GARNL3: variants seen among roughly 807,000 people sequenced by gnomAD.
GARNL3 encodes the protein GTPase-activating Rap/Ran-GAP domain-like protein 3.
In GARNL3, 63 loss-of-function variants were observed where a neutral mutation model predicts 125.0. That is an observed-to-expected ratio of 0.50 (90% confidence interval 0.41 to 0.62). GARNL3 has a LOEUF of 0.62. Ranked by LOEUF, GARNL3 falls within the 20% of genes least tolerant of loss-of-function variation. The pLI is 0.00. For synonymous variants in GARNL3, 439 were observed against 457.5 expected (o/e 0.96, Z 0.52); for missense variants, 994 against 1,244.0 (o/e 0.80, Z 3.02).
chr9:127,380,831 A>G (rs2131806778), intron 22 of GARNL3, among the ~76,000 whole-genome samples: 1 of 152,350 alleles, frequency 6.6e-6, no homozygotes, highest in African/African-American at 2.4e-5. Context: ...AAATTAGATC[A>G]TGATGATGTT....
rs763930677 is a variant in GARNL3, at chr9:127,393,051, A to G, written c.2871-32A>G. Reference sequence around the variant, plus strand: ...TAGGCCCAGTTCTGTGGTACTCCCAAAGATCCTCTTACAGTGACTTTTCTC... The same window carrying G: ...TAGGCCCAGTTCTGTGGTACTCCCAGAGATCCTCTTACAGTGACTTTTCTC... On this transcript the variant is annotated intron_variant, in intron 27 of 27. Transcript: ENST00000373387. 5.8e-6 allele frequency: 9 copies of G among 1,555,510 alleles called. No homozygotes were observed. The South Asian group carries it at 7.9e-5, about 14-fold the overall frequency.
In GARNL3 at chr9:127,272,341, CT is replaced by C. The variant is rs1442576937; in HGVS notation, c.144+7321del. 1.3e-5 allele frequency among the ~76,000 whole-genome samples: 2 copies of C among 149,848 alleles called. 1 individual carries two copies. Among genetic ancestry groups the C allele is most frequent in the African/African-American group, 5.1e-5 (2 of 39,288 alleles). On this transcript the variant is annotated intron_variant, in intron 1 of 27. Transcript: ENST00000373387. ...TTATATTCTATCTAGTATTACCAAA[CT>C]GAGAGATTAGTGAGGGTACCAGCAT...
chr9:127,335,112 T>C, intron 9 of GARNL3, 118 bp from the exon 10 acceptor site: 1 of 710,520 alleles, frequency 1.4e-6, no homozygotes, highest in Non-Finnish European at 2.4e-6. Flanking sequence ...TGCAGGTGGA[T>C]AATCCAAATA....
chr9:127,388,633 C>T, intron 25 of GARNL3: 1 of 477,954 alleles, frequency 2.1e-6, no homozygotes, highest in South Asian at 2.2e-5. Flanking sequence ...CCAAGCAGGG[C>T]AGCTTTTTGC....
Position 127,320,708 on chromosome 9 carries a change from A to G in GARNL3, c.504-7A>G. 1 of 1,608,184 alleles carries G rather than the reference A, an allele frequency of 6.2e-7. No homozygotes were observed. The highest frequency in any genetic ancestry group is 8.5e-7 in the Non-Finnish European group (1 of 1,174,772). ...TGCTGCAGCTCATCCTGTCCATTCTATTTCAGTGCCATGAATCTGGACAAA... is the reference window on the plus strand; with the variant it reads ...TGCTGCAGCTCATCCTGTCCATTCTGTTTCAGTGCCATGAATCTGGACAAA... On this transcript the variant is annotated splice_polypyrimidine_tract_variant and splice_region_variant and intron_variant, in intron 5 of 27. Transcript: ENST00000373387.
At chr9:127,322,920 C>CT (rs1564139087) in intron 6 of GARNL3, among the ~76,000 whole-genome samples, 1 of 152,196 alleles carries the variant, frequency 6.6e-6, no homozygotes. Context: ...AAAAGGGTAT[C>CT]TGTGTGTTTC....
chr9:127,238,944 C>A (rs1199722805), intron 1 of GARNL3, among the ~76,000 whole-genome samples: 1 of 152,178 alleles, frequency 6.6e-6, no homozygotes, highest in Non-Finnish European at 1.5e-5. Context: ...ATGGTTGGAT[C>A]TTCTCTTTTA....
chr9:127,283,273 A>G (rs1223078057), intron 1 of GARNL3, among the ~76,000 whole-genome samples: 2 of 152,192 alleles, frequency 1.3e-5, no homozygotes, highest in Non-Finnish European at 2.9e-5. Flanking sequence ...ACAATTATGG[A>G]AATATTTTTA....
At chr9:127,382,057 G>C (rs1564197755) in intron 22 of GARNL3, among the ~76,000 whole-genome samples, 1 of 152,112 alleles carries the variant, frequency 6.6e-6, no homozygotes, top group Non-Finnish European at 1.5e-5. Flanking sequence ...TCCCAGCACT[G>C]TGGGAGGCTG....
At position 127,384,340 on chromosome 9, in the gene GARNL3, G is replaced by A. The variant is rs1832428696; in HGVS notation, c.2270-687G>A. 6.6e-6 allele frequency among the ~76,000 whole-genome samples: 1 copy of A among 152,166 alleles called. No individual in the cohort carries two copies. Among genetic ancestry groups the A allele is most frequent in the Non-Finnish European group, 1.5e-5 (1 of 68,022 alleles). ...AGATGCGCTCATCCATGGAAAGAGTGCAGAGAGAGCCAGTGCGAAGAAGGG... is the reference window on the plus strand; with the variant it reads ...AGATGCGCTCATCCATGGAAAGAGTACAGAGAGAGCCAGTGCGAAGAAGGG... On this transcript the variant is annotated intron_variant, in intron 23 of 27. Transcript: ENST00000373387. The surrounding 1 kb of genome is among the most constrained non-coding windows in gnomAD (Gnocchi z 4.0).
intron 10 of GARNL3, among the ~76,000 whole-genome samples, chr9:127,335,912 C>T (rs1047599551): frequency 6.6e-6 from 1 of 152,052 alleles, no homozygotes; most frequent in Admixed American, 6.6e-5. Context: ...CCTCACCCAC[C>T]CCAGAGCTTG....
intron 2 of GARNL3, among the ~76,000 whole-genome samples, chr9:127,255,658 A>G (rs771343764): frequency 6.6e-6 from 1 of 152,242 alleles, no homozygotes; most frequent in Non-Finnish European, 1.5e-5. Context: ...ACAAAATTCC[A>G]GGTGGTTCTG....
At chr9:127,296,355 T>C (rs980452506) in intron 2 of GARNL3, among the ~76,000 whole-genome samples, 1 of 151,916 alleles carries the variant, frequency 6.6e-6, no homozygotes, top group African/African-American at 2.4e-5. Context: ...TTCAATACCT[T>C]CTCCAGTTGT....
intron 21 of GARNL3, chr9:127,363,892 A>C (rs1167125971): frequency 6.6e-6 from 1 of 152,230 alleles, no homozygotes; most frequent in South Asian, 2.1e-4. Context: ...CTCATCATGC[A>C]TGAGGCCCTG....
rs376080056 is a variant in GARNL3 at position 127,381,587 on chromosome 9, G to GCTTTT, written c.2162-1830_2162-1826dup. ...TATGTACTCAGATATCTAGCTTCTA[G>GCTTTT]CTTTTCTTTTCTTTTCTTTTCTTTT... On this transcript the variant is annotated intron_variant, in intron 22 of 27. Transcript: ENST00000373387. Among the ~76,000 whole-genome samples the GCTTTT allele has an allele frequency of 6.7e-3, 1,018 of 151,710 alleles. 12 individuals are homozygous for GCTTTT. The highest frequency in any genetic ancestry group is 0.023 in the African/African-American group (953 of 41,348).
intron 26 of GARNL3, among the ~76,000 whole-genome samples, chr9:127,390,284 G>C (rs1036693827): frequency 6.6e-6 from 1 of 152,166 alleles, no homozygotes; most frequent in African/African-American, 2.4e-5. Context: ...TTTTAATGCA[G>C]CCTTCCATAT....
rs569399956 is a variant in GARNL3 at position 127,335,419 on chromosome 9, G to A, written c.873+86G>A. ...ATTCCATAGAATTAGGGGCTATGCC[G>A]GTTAACATATGAGCTGAGCTGTGGC... is the stretch of plus-strand genomic sequence containing the variant. On this transcript the variant is annotated intron_variant, in intron 10 of 27. Transcript: ENST00000373387. 4.7e-5 allele frequency: 51 copies of A among 1,084,482 alleles called. No individual in the cohort carries two copies. The Middle Eastern group carries it at 1.2e-3, about 25-fold the overall frequency. The allele number at this position is 1,084,482 out of a possible 1,614,324, so 67.2% of individuals were successfully genotyped here.
At chr9:127,360,597 G>A (rs1439937899) in intron 21 of GARNL3, among the ~76,000 whole-genome samples, 2 of 152,226 alleles carry the variant, frequency 1.3e-5, no homozygotes, top group Non-Finnish European at 2.9e-5. Context: ...GTGGGAACAG[G>A]ACTAGCTTTT....
chr9:127,339,072 C>T (rs549993222), intron 12 of GARNL3, among the ~76,000 whole-genome samples: 9 of 151,892 alleles, frequency 5.9e-5, no homozygotes, highest in East Asian at 1.9e-4. Context: ...CTGAGGCGGG[C>T]GGATCACGAG....
Sources: allele counts gnomAD v4.1 joint callset (sites outside exome capture counted in the v4.1 genomes callset), GRCh38; gene constraint gnomAD v4.1.1; non-coding constraint Gnocchi (gnomAD v3.1); transcripts MANE v1.5; gene names NCBI Gene and HGNC (gene_info 2026-07-23, HGNC 2026-07-21).